RIPOR2: variants seen among roughly 807,000 people sequenced by gnomAD.
RIPOR2 encodes the protein rho family-interacting cell polarization regulator 2.
Under a neutral mutation model 114.5 loss-of-function variants are expected in RIPOR2, and 39 were observed. That is an observed-to-expected ratio of 0.34 (90% CI 0.26 to 0.44). The LOEUF (loss-of-function observed/expected upper bound fraction) is 0.44, where lower values mean the gene tolerates loss of function less well. RIPOR2 is among the 20% of genes least tolerant of loss of function. The pLI is 1.00. For synonymous variants in RIPOR2, 445 were observed against 484.4 expected (o/e 0.92, Z 1.07); for missense variants, 1,007 against 1,255.1 (o/e 0.80, Z 2.99).
intron 1 of RIPOR2, among the ~76,000 whole-genome samples, chr6:24,903,904 C>T (rs766721357): frequency 6.6e-6 from 1 of 152,228 alleles, no homozygotes; most frequent in Non-Finnish European, 1.5e-5. Context: ...AGCAGCTCCC[C>T]GATTTCCTCA....
chr6:24,939,668 T>C (rs1319217555), upstream of RIPOR2, among the ~76,000 whole-genome samples: 2 of 152,216 alleles, frequency 1.3e-5, no homozygotes, highest in African/African-American at 2.4e-5. Flanking sequence ...TTAAGGGAGA[T>C]GTAGGTCACA....
chr6:24,899,817 G>A (rs1013815789), intron 1 of RIPOR2, among the ~76,000 whole-genome samples: 5 of 152,216 alleles, frequency 3.3e-5, no homozygotes, highest in East Asian at 1.9e-4. Context: ...TCTCTGAGGC[G>A]TCAATCGTTT....
At chr6:24,968,557 T>A (rs919653138) in intron 1 of RIPOR2, among the ~76,000 whole-genome samples, 2 of 152,152 alleles carry the variant, frequency 1.3e-5, no homozygotes, top group African/African-American at 4.8e-5. Context: ...TCTGGCAATG[T>A]CTGGAGGCAA....
intron 1 of RIPOR2, among the ~76,000 whole-genome samples, chr6:24,894,702 A>G (rs534778123): frequency 1.3e-5 from 2 of 152,310 alleles, no homozygotes; most frequent in East Asian, 3.9e-4. Context: ...TCCCATAACC[A>G]TTCCCAACCA....
chr6:24,818,249 CA>C (rs1759344920), intron 20 of RIPOR2, among the ~76,000 whole-genome samples: 1 of 152,106 alleles, frequency 6.6e-6, no homozygotes, highest in African/African-American at 2.4e-5. Context: ...AGGCATGAGC[CA>C]CTGTGCCGGC....
chr6:24,889,180 G>A (rs1239138732), intron 1 of RIPOR2, among the ~76,000 whole-genome samples: 3 of 152,162 alleles, frequency 2.0e-5, no homozygotes, highest in Non-Finnish European at 4.4e-5. Context: ...CACCTGGACT[G>A]CTTTCTCTGC....
Position 24,865,303 on chromosome 6 carries a change from C to G in RIPOR2, c.649G>C (p.Glu217Gln). 6.2e-7 allele frequency: 1 copy of G among 1,611,980 alleles called. No individual in the cohort carries two copies. The change falls in exon 7 of 22, where the codon GAG (glutamate) becomes CAG (glutamine). Residue 217 changes from glutamate (E) to glutamine (Q), a missense_variant and splice_region_variant. Glu to Gln is a conservative substitution (Grantham distance 29, BLOSUM62 2). Coordinates refer to ENST00000643898, the MANE Select transcript of RIPOR2 (RefSeq NM_001286445.3). Reference sequence around the variant, plus strand: ...TTAAGCAGGTTAGGGAGTTATACCTCTGTGTACTCCTTGAAGCTCCGATTG... The same window carrying G: ...TTAAGCAGGTTAGGGAGTTATACCTGTGTGTACTCCTTGAAGCTCCGATTG... ...EINRSFKEYT[E>Q]NMCTIEVELE...
chr6:25,015,903 T>TG (rs1775963232), intron 1 of RIPOR2: 1 of 89,824 alleles, frequency 1.1e-5, no homozygotes, highest in African/African-American at 4.3e-5. Flanking sequence ...TTGGTTTTTT[T>TG]TTTTTTTTTT....
At chr6:24,921,083 A>G (rs1318637389) in intron 1 of RIPOR2, among the ~76,000 whole-genome samples, 1 of 152,228 alleles carries the variant, frequency 6.6e-6, no homozygotes, top group African/African-American at 2.4e-5. Flanking sequence ...CCCATCTCAT[A>G]GAGTAAAAAC....
intron 8 of RIPOR2, among the ~76,000 whole-genome samples, chr6:24,857,586 G>C (rs989740739): frequency 6.6e-6 from 1 of 152,092 alleles, no homozygotes; most frequent in Admixed American, 6.6e-5. Context: ...CCTTCCAAGA[G>C]TCACACTTCC....
chr6:24,863,710 G>C (rs1252185401), intron 7 of RIPOR2, among the ~76,000 whole-genome samples: 1 of 152,140 alleles, frequency 6.6e-6, no homozygotes, highest in African/African-American at 2.4e-5. Flanking sequence ...AGCAGTATTA[G>C]CCATACCTGT....
intron 1 of RIPOR2, among the ~76,000 whole-genome samples, chr6:24,912,465 CCCT>C (rs1387588101): frequency 9.1e-6 from 1 of 110,380 alleles, no homozygotes; most frequent in African/African-American, 5.2e-5. Context: ...CTTGCCCCCC[CCCT>C]TTTTTTTTTG....
intron 1 of RIPOR2, among the ~76,000 whole-genome samples, chr6:24,908,971 A>G (rs1190762080): frequency 6.6e-6 from 1 of 152,220 alleles, no homozygotes; most frequent in East Asian, 1.9e-4. Flanking sequence ...GCGAAATCTC[A>G]CATTAGAGTG....
At chr6:24,864,191 C>G (rs1275051099) in intron 7 of RIPOR2, among the ~76,000 whole-genome samples, 2 of 152,020 alleles carry the variant, frequency 1.3e-5, no homozygotes, top group Admixed American at 6.6e-5. Flanking sequence ...GTAGTCCCAG[C>G]TACTTGGGAA....
intron 1 of RIPOR2, among the ~76,000 whole-genome samples, chr6:24,943,499 A>G (rs951238601): frequency 6.6e-5 from 10 of 152,096 alleles, no homozygotes; most frequent in African/African-American, 2.2e-4. Context: ...AATAATAATA[A>G]TAATAAAGCC....
chr6:24,907,943 T>C (rs117612378), intron 1 of RIPOR2, among the ~76,000 whole-genome samples: 82 of 152,210 alleles, frequency 5.4e-4, no homozygotes, highest in African/African-American at 1.8e-3. Flanking sequence ...CAATTATGAG[T>C]GACTGGGCTA....
intron 1 of RIPOR2, among the ~76,000 whole-genome samples, chr6:25,041,650 A>T (rs1010058587): frequency 1.3e-5 from 2 of 152,214 alleles, no homozygotes; most frequent in African/African-American, 4.8e-5. Context: ...TCTAATTAGG[A>T]TAGGGCTGGG....
intron 1 of RIPOR2, among the ~76,000 whole-genome samples, chr6:24,959,278 T>G (rs9467364): frequency 0.06 from 9,161 of 152,242 alleles, 574 homozygotes; most frequent in Middle Eastern, 0.17. Context: ...CTTCAACATA[T>G]CTTTTTATGG....
At chr6:24,960,330 C>T (rs7746663) in intron 1 of RIPOR2, among the ~76,000 whole-genome samples, 9,856 of 152,182 alleles carry the variant, frequency 0.065, 1,063 homozygotes, top group African/African-American at 0.22. Context: ...TCCAAGATGG[C>T]GCCTTCAATG....
Sources: gnomAD v4.1 joint callset for allele counts (sites outside exome capture counted in the v4.1 genomes callset) on GRCh38, gnomAD v4.1.1 for gene constraint, MANE v1.5 for transcripts, NCBI Gene and HGNC (gene_info 2026-07-23, HGNC 2026-07-21) for gene names.